Variants in RNF150 observed in about 807,000 individuals in gnomAD.
RNF150 encodes ring finger protein 150.
Under a neutral mutation model 39.3 loss-of-function variants are expected in RNF150, and 24 were observed. That is an observed-to-expected ratio of 0.61 (90% confidence interval 0.44 to 0.86). The LOEUF is 0.86. Ranked by LOEUF, RNF150 falls within the 40% of genes least tolerant of loss-of-function variation. The pLI is 0.00. For missense variants in RNF150, 502 were observed against 587.8 expected (o/e 0.85, Z 1.51); for synonymous variants, 255 against 227.3 (o/e 1.12, Z -1.10).
At chr4:141,042,139 T>A (rs1242560888) in intron 1 of RNF150, among the ~76,000 whole-genome samples, 1 of 152,012 alleles carries the variant, frequency 6.6e-6, no homozygotes, top group Non-Finnish European at 1.5e-5. Flanking sequence ...CACTTGTTTA[T>A]AATAAAGTGA....
At chr4:140,914,520 T>C (rs1191941019) in intron 5 of RNF150, among the ~76,000 whole-genome samples, 1 of 152,242 alleles carries the variant, frequency 6.6e-6, no homozygotes, top group Non-Finnish European at 1.5e-5. Context: ...AGCAGGATTT[T>C]GTATTCAATA....
At chr4:140,898,269 T>A (rs1359585105) in intron 6 of RNF150, among the ~76,000 whole-genome samples, 3 of 117,148 alleles carry the variant, frequency 2.6e-5, no homozygotes, top group Non-Finnish European at 5.3e-5. Context: ...ACAAAAAAAA[T>A]GATGCACACA....
intron 2 of RNF150, among the ~76,000 whole-genome samples, chr4:140,951,053 CTCT>C (rs1295842427): frequency 1.3e-5 from 2 of 152,094 alleles, no homozygotes; most frequent in Non-Finnish European, 2.9e-5. Flanking sequence ...CTTTCCTCTC[CTCT>C]TCTTCTGGTT....
intron 1 of RNF150, among the ~76,000 whole-genome samples, chr4:141,157,085 C>T (rs537053743): frequency 6.6e-6 from 1 of 152,150 alleles, no homozygotes; most frequent in African/African-American, 2.4e-5. Flanking sequence ...TGGGTGAGTC[C>T]ATAGTGTAAC....
At chr4:141,043,275 G>C (rs374616008) in intron 1 of RNF150, among the ~76,000 whole-genome samples, 2 of 152,002 alleles carry the variant, frequency 1.3e-5, no homozygotes, top group African/African-American at 2.4e-5. Flanking sequence ...GTGAAGGAGA[G>C]GGGTGGGCCA....
intron 1 of RNF150, among the ~76,000 whole-genome samples, chr4:140,991,216 G>A (rs930975374): frequency 2.0e-5 from 3 of 151,864 alleles, no homozygotes; most frequent in African/African-American, 7.3e-5. Flanking sequence ...TTGTAAATTT[G>A]TTTAAGTTCC....
intron 6 of RNF150, among the ~76,000 whole-genome samples, chr4:140,895,210 T>C (rs1444525254): frequency 6.6e-6 from 1 of 152,210 alleles, no homozygotes; most frequent in East Asian, 1.9e-4. Flanking sequence ...TGAACATTTT[T>C]CCTTCAAAGC....
intron 1 of RNF150, among the ~76,000 whole-genome samples, chr4:140,988,297 A>C (rs1490750318): frequency 6.6e-6 from 1 of 152,154 alleles, no homozygotes. Flanking sequence ...AAACACATGC[A>C]TGCGTATGTT....
At chr4:141,122,761 T>G (rs936688296) in intron 1 of RNF150, among the ~76,000 whole-genome samples, 2 of 152,212 alleles carry the variant, frequency 1.3e-5, no homozygotes, top group Non-Finnish European at 2.9e-5. Flanking sequence ...TTGATAAAAG[T>G]AAATGTAATG....
chr4:140,996,380 C>CTT, intron 1 of RNF150, among the ~76,000 whole-genome samples: 1 of 152,126 alleles, frequency 6.6e-6, no homozygotes, highest in South Asian at 2.1e-4. Context: ...TTATTAATCC[C>CTT]TTCTACAAGT....
Position 140,933,478 on chromosome 4 carries a change from G to C in RNF150, c.891-7405C>G, listed in dbSNP as rs141520970. ...CTGGATTTTGGATTTCCAGATGAGG[G>C]GTGGTTACTGGTAAGTATAATGCAA... On this transcript the variant is annotated intron_variant, in intron 4 of 6. Transcript: ENST00000515673. Among the ~76,000 whole-genome samples the C allele has an allele frequency of 1.9e-4, 29 of 152,280 alleles. No individual in the cohort carries two copies. In the East Asian group the frequency reaches 4.8e-3, roughly 25 times the overall value.
chr4:140,957,261 A>T (rs1338638241), intron 2 of RNF150, among the ~76,000 whole-genome samples: 4 of 152,188 alleles, frequency 2.6e-5, no homozygotes, highest in Non-Finnish European at 5.9e-5. Context: ...GACACTTCTC[A>T]AAAGAGGACA....
At chr4:140,998,149 G>T (rs1734452175) in intron 1 of RNF150, among the ~76,000 whole-genome samples, 1 of 152,186 alleles carries the variant, frequency 6.6e-6, no homozygotes, top group Non-Finnish European at 1.5e-5. Flanking sequence ...CCAGCATAGA[G>T]TTCAGTCCAG....
intron 1 of RNF150, among the ~76,000 whole-genome samples, chr4:140,997,594 A>G (rs1302697304): frequency 6.8e-6 from 1 of 146,784 alleles, no homozygotes; most frequent in Non-Finnish European, 1.5e-5. Flanking sequence ...TTTGACCCTT[A>G]ATCCCAGCTA....
At chr4:140,869,489 A>G (rs1214450018) in intron 6 of RNF150, among the ~76,000 whole-genome samples, 2 of 152,324 alleles carry the variant, frequency 1.3e-5, no homozygotes, top group Middle Eastern at 3.4e-3. Flanking sequence ...CCTACTGCAC[A>G]CTAAGGATTA....
At chr4:140,951,677 C>G (rs1331606601) in intron 2 of RNF150, among the ~76,000 whole-genome samples, 1 of 151,890 alleles carries the variant, frequency 6.6e-6, no homozygotes, top group African/African-American at 2.4e-5. Flanking sequence ...CTTGGCAAAC[C>G]CAGCCAGTAT....
chr4:141,056,954 T>C (rs1736999918), intron 1 of RNF150, among the ~76,000 whole-genome samples: 1 of 152,136 alleles, frequency 6.6e-6, no homozygotes, highest in Admixed American at 6.6e-5. Flanking sequence ...TTGATAATAG[T>C]GTAGTTACTT....
intron 1 of RNF150, among the ~76,000 whole-genome samples, chr4:141,041,456 A>G (rs1273457053): frequency 2.0e-5 from 3 of 152,086 alleles, no homozygotes; most frequent in African/African-American, 7.2e-5. Flanking sequence ...AGAACAAATT[A>G]CTCAGAAATC....
intron 1 of RNF150, among the ~76,000 whole-genome samples, chr4:141,043,682 T>C (rs974606350): frequency 2.6e-5 from 4 of 152,162 alleles, no homozygotes; most frequent in African/African-American, 7.2e-5. Context: ...TTAAAAGGAA[T>C]AGCTAAGTAG....
Sources: gnomAD v4.1 joint callset for allele counts (sites outside exome capture counted in the v4.1 genomes callset) on GRCh38, gnomAD v4.1.1 for gene constraint, MANE v1.5 for transcripts, NCBI Gene and HGNC (gene_info 2026-07-23, HGNC 2026-07-21) for gene names.